NIN: variants seen among roughly 807,000 people sequenced by gnomAD.
NIN encodes the protein ninein, also known as glycogen synthase kinase 3 beta-interacting protein.
NIN carries 137 observed loss-of-function variants against 257.6 expected under a neutral mutation model. That is an observed-to-expected ratio of 0.53 (90% confidence interval 0.46 to 0.61). The LOEUF (loss-of-function observed/expected upper bound fraction) is 0.61. Among genes scored for constraint, NIN ranks in the 20% least tolerant of loss-of-function variants. The pLI is 0.00. For missense variants in NIN, 2,439 were observed against 2,501.2 expected (o/e 0.98, Z 0.53); for synonymous variants, 918 against 919.8 (o/e 1.00, Z 0.04).
intron 21 of NIN, among the ~76,000 whole-genome samples, chr14:50,750,856 T>G (rs4901053): frequency 0.51 from 76,961 of 152,000 alleles, 19,935 homozygotes; most frequent in African/African-American, 0.59. Flanking sequence ...AGTGTCATTG[T>G]TCTTCCTCGT....
At position 50,752,612 on chromosome 14, in the gene NIN, C is replaced by T. The variant is rs769960051; in HGVS notation, c.4856G>A (p.Cys1619Tyr). The T allele has an allele frequency of 6.2e-7, 1 of 1,614,010 alleles. No homozygotes were observed. Among genetic ancestry groups the T allele is most frequent in the Non-Finnish European group, 8.5e-7 (1 of 1,179,932 alleles). ...GTTTCCTGGCTCTTTTTCCTTCTGGCATAGCATTTCTGTTAGACGTTGATT... is the reference window on the plus strand; with the variant it reads ...GTTTCCTGGCTCTTTTTCCTTCTGGTATAGCATTTCTGTTAGACGTTGATT... ...ELNQRLTEML[C>Y]QKEKEPGNSA... The change falls in exon 21 of 31, where the codon TGC (cysteine) becomes TAC (tyrosine). Residue 1619 changes from cysteine (C) to tyrosine (Y), a missense_variant. Around this residue, in one of 3 missense-constraint regions of NIN, gnomAD observed 2,043 missense variants for 2,050.2 expected, o/e 1.00. Coordinates refer to ENST00000530997, the MANE Select transcript of NIN (RefSeq NM_020921.4).
In NIN at chr14:50,767,830, AAAGT is replaced by A. The variant is rs2042567119; in HGVS notation, c.1435-944_1435-941del. 2.0e-5 allele frequency among the ~76,000 whole-genome samples: 3 copies of A among 151,958 alleles called. No homozygotes were observed. The South Asian group carries it at 6.2e-4, about 31-fold the overall frequency. On this transcript the variant is annotated intron_variant, in intron 12 of 30. Transcript: ENST00000530997. ...AGACTCCATCTCAAAAAAAAAAAAA[AAAGT>A]AGAGCAACTCTAAAATCAATTTATT...
intron 29 of NIN, among the ~76,000 whole-genome samples, chr14:50,728,134 G>A (rs2040504362): frequency 6.6e-6 from 1 of 151,916 alleles, no homozygotes; most frequent in African/African-American, 2.4e-5. Context: ...TTTAACATTG[G>A]TGGGTGGGTT....
chr14:50,735,111 G>A (rs10148593), intron 28 of NIN, among the ~76,000 whole-genome samples: 35,737 of 151,964 alleles, frequency 0.24, 4,520 homozygotes, highest in Middle Eastern at 0.33. Flanking sequence ...CAAATTTCCC[G>A]CATGGATTTC....
chr14:50,725,801 A>AT, intron 30 of NIN, 152 bp downstream of exon 30: 2 of 1,414,072 alleles, frequency 1.4e-6, no homozygotes. Flanking sequence ...GATATGAGGG[A>AT]TAGCAAATCC....
intron 30 of NIN, chr14:50,724,170 T>G: frequency 5.1e-6 from 1 of 194,312 alleles, no homozygotes; most frequent in Non-Finnish European, 1.1e-5. Flanking sequence ...TTGTCTTTGT[T>G]TTTGTTTTGT....
At chr14:50,761,712 G>A (rs1009144588) in intron 16 of NIN, 78 bp downstream of exon 16, 2 of 1,534,572 alleles carry the variant, frequency 1.3e-6, no homozygotes, top group Non-Finnish European at 1.8e-6. Context: ...TGAGAAAAAA[G>A]AATTGGAAAT....
At chr14:50,815,345 A>G (rs1261968670) in intron 3 of NIN, among the ~76,000 whole-genome samples, 1 of 152,234 alleles carries the variant, frequency 6.6e-6, no homozygotes, top group Non-Finnish European at 1.5e-5. Context: ...ATGAGATGCC[A>G]CCTCATGCCA....
intron 16 of NIN, 79 bp from the exon 17 acceptor site, chr14:50,760,438 T>G: frequency 1.0e-5 from 1 of 97,592 alleles, no homozygotes; most frequent in Non-Finnish European, 1.9e-5. Flanking sequence ...CAGCAATTGC[T>G]TTTTTTTTTT....
At chr14:50,790,000 C>G (rs1444922685) in intron 5 of NIN, among the ~76,000 whole-genome samples, 1 of 152,218 alleles carries the variant, frequency 6.6e-6, no homozygotes, top group Non-Finnish European at 1.5e-5. Flanking sequence ...CTGTGCAAAG[C>G]TGGGCTTTGC....
intron 3 of NIN, among the ~76,000 whole-genome samples, chr14:50,811,830 T>A (rs2044633210): frequency 6.6e-6 from 1 of 151,778 alleles, no homozygotes; most frequent in Non-Finnish European, 1.5e-5. Flanking sequence ...CCGTCTCTAT[T>A]AAAAATACAA....
At chr14:50,791,754 T>C (rs1343471467) in intron 5 of NIN, among the ~76,000 whole-genome samples, 1 of 151,648 alleles carries the variant, frequency 6.6e-6, no homozygotes, top group Admixed American at 6.6e-5. Flanking sequence ...TTCCTGTAGA[T>C]TTCAGTAAGC....
intron 4 of NIN, among the ~76,000 whole-genome samples, chr14:50,793,914 T>A (rs1226986583): frequency 3.9e-5 from 6 of 152,220 alleles, no homozygotes; most frequent in Non-Finnish European, 7.3e-5. Flanking sequence ...ATGCTTTGAT[T>A]TCTGTTGTCT....
chr14:50,771,414 G>A lies in NIN; in HGVS notation c.1036C>T (p.Leu346Phe). Reference sequence around the variant, plus strand: ...TTGGTAACCAAAAGTTCATTTTCAAGGGCCAGTGTTAATTCTGTCAAATTG... The same window carrying A: ...TTGGTAACCAAAAGTTCATTTTCAAAGGCCAGTGTTAATTCTGTCAAATTG... ...NINLTELTLA[L>F]ENELLVTKNS... Residue 346 changes from leucine (L) to phenylalanine (F), a missense_variant, in exon 10 of 31, where the codon CTT becomes TTT. Coordinates refer to ENST00000530997, the MANE Select transcript of NIN (RefSeq NM_020921.4). 6.2e-7 allele frequency: 1 copy of A among 1,614,182 alleles called. No homozygotes were observed. The highest frequency in any genetic ancestry group is 1.1e-5 in the South Asian group (1 of 91,086).
rs549315684 is a variant in NIN, at chr14:50,814,644, T to A, written c.183+7230A>T. Reference sequence around the variant, plus strand: ...TCACGCTACCCACTTCAAACTGTACTACAAAGTTACAGTAACCAAAACAGC... The same window carrying A: ...TCACGCTACCCACTTCAAACTGTACAACAAAGTTACAGTAACCAAAACAGC... On this transcript the variant is annotated intron_variant, in intron 3 of 30. Transcript: ENST00000530997. Among the ~76,000 whole-genome samples, 24 of 152,300 alleles carry A rather than the reference T, an allele frequency of 1.6e-4. 1 individual carries two copies. Among genetic ancestry groups the A allele is most frequent in the Admixed American group, 1.4e-3 (22 of 15,294 alleles).
intron 5 of NIN, among the ~76,000 whole-genome samples, chr14:50,784,425 A>C (rs569357374): frequency 2.4e-3 from 372 of 152,340 alleles, no homozygotes; most frequent in African/African-American, 8.1e-3. Flanking sequence ...TCATGAGTAC[A>C]TGAATAACAA....
chr14:50,754,969 T>C (rs1343438466), intron 18 of NIN, 102 bp from the exon 19 acceptor site: 11 of 734,074 alleles, frequency 1.5e-5, no homozygotes, highest in Admixed American at 2.8e-5. Context: ...TCAATGCCAG[T>C]TAAAAAGAAA....
chr14:50,773,835 C>T (rs2042821542), intron 7 of NIN, among the ~76,000 whole-genome samples: 1 of 152,202 alleles, frequency 6.6e-6, no homozygotes, highest in African/African-American at 2.4e-5. Flanking sequence ...GATTGGGCTA[C>T]AGCCCCATCT....
In NIN at chr14:50,757,814, T is replaced by C. The variant is rs1347303624; in HGVS notation, c.3216A>G (p.Arg1072=). 7.4e-6 allele frequency: 12 copies of C among 1,614,050 alleles called. No individual in the cohort carries two copies. Among genetic ancestry groups the C allele is most frequent in the Non-Finnish European group, 1.0e-5 (12 of 1,180,036 alleles). Residue 1072 remains arginine (R), a synonymous_variant, in exon 18 of 31, where the codon AGA becomes AGG. Coordinates refer to ENST00000530997, the MANE Select transcript of NIN (RefSeq NM_020921.4). ...ENGDVLLSLQ[R]AHEQAVKENV... Reference sequence around the variant, plus strand: ...TTTCCTTCACTGCCTGTTCATGAGCTCTCTGCAGGCTTAAGAGGACGTCCC... The same window carrying C: ...TTTCCTTCACTGCCTGTTCATGAGCCCTCTGCAGGCTTAAGAGGACGTCCC...
Sources: gnomAD v4.1 joint callset for allele counts (sites outside exome capture counted in the v4.1 genomes callset) on GRCh38, gnomAD v4.1.1 for gene constraint, gnomAD v4.1.1 regional missense constraint, MANE v1.5 for transcripts, NCBI Gene and HGNC (gene_info 2026-07-23, HGNC 2026-07-21) for gene names.